OR8B2: variants seen among roughly 807,000 people sequenced by gnomAD.
The protein encoded by OR8B2 is olfactory receptor family 8 subfamily B member 2.
For missense variants in OR8B2, 304 were observed against 379.6 expected (o/e 0.80, Z 1.65); for synonymous variants, 98 against 138.2 (o/e 0.71, Z 2.04).
At chr11:124,386,679 C>T (rs1007119820), upstream of OR8B2, among the ~76,000 whole-genome samples, 6 of 151,684 alleles carry the variant, frequency 4.0e-5, no homozygotes, top group Non-Finnish European at 5.9e-5. Context: ...TGGGTTGGTT[C>T]CAAGTCTTTG....
At chr11:124,388,827 CT>C (rs145400784), upstream of OR8B2, among the ~76,000 whole-genome samples, 3,343 of 129,794 alleles carry the variant, frequency 0.026, 88 homozygotes, top group African/African-American at 0.083. Context: ...GTGTGAAATT[CT>C]TTTTTTTTTT....
chr11:124,385,896 A>G (rs191739899), upstream of OR8B2, among the ~76,000 whole-genome samples: 1 of 152,028 alleles, frequency 6.6e-6, no homozygotes, highest in South Asian at 2.1e-4. Flanking sequence ...GCCTCCCAAA[A>G]GTGTTGGGAT....
chr11:124,391,230 A>G, the OR8B2 span, among the ~76,000 whole-genome samples: 3 of 152,140 alleles, frequency 2.0e-5, no homozygotes, highest in Admixed American at 2.0e-4. Context: ...GAGCAAACAC[A>G]TTCAAAAGCT....
upstream of OR8B2, among the ~76,000 whole-genome samples, chr11:124,388,167 A>G (rs1287660015): frequency 7.2e-5 from 11 of 152,052 alleles, no homozygotes; most frequent in South Asian, 1.3e-3. Flanking sequence ...GGGCTGAGAC[A>G]ATGGGGTTTT....
At chr11:124,386,689 G>C (rs1313201931), upstream of OR8B2, among the ~76,000 whole-genome samples, 2 of 151,812 alleles carry the variant, frequency 1.3e-5, no homozygotes, top group African/African-American at 2.4e-5. Flanking sequence ...CCAAGTCTTT[G>C]CTATTGTGAA....
chr11:124,388,392 G>T (rs1304347260), upstream of OR8B2, among the ~76,000 whole-genome samples: 1 of 152,080 alleles, frequency 6.6e-6, no homozygotes, highest in Non-Finnish European at 1.5e-5. Context: ...TATTGGCCGT[G>T]GGTTTGTTTT....
the OR8B2 span, chr11:124,397,053 T>C: frequency 7.3e-5 from 118 of 1,613,862 alleles, no homozygotes; most frequent in Admixed American, 2.0e-4. Flanking sequence ...GAAAAACAGC[T>C]GAGTCATGCA....
chr11:124,390,484 G>C, the OR8B2 span, among the ~76,000 whole-genome samples: 5 of 152,188 alleles, frequency 3.3e-5, no homozygotes, highest in Admixed American at 1.3e-4. Context: ...CCAAAAAATA[G>C]CAAAATGTTT....
upstream of OR8B2, among the ~76,000 whole-genome samples, chr11:124,387,120 G>C (rs1233074892): frequency 6.6e-6 from 1 of 152,072 alleles, no homozygotes; most frequent in East Asian, 1.9e-4. Context: ...TTTTTTTCTT[G>C]TAAATTTGTT....
the OR8B2 span, among the ~76,000 whole-genome samples, chr11:124,392,081 C>A: frequency 1.7e-5 from 2 of 121,156 alleles, no homozygotes; most frequent in Non-Finnish European, 3.3e-5. Context: ...GCTAAAAAGT[C>A]TCAATAAATT....
chr11:124,385,448 T>C (rs1262474067), upstream of OR8B2, among the ~76,000 whole-genome samples: 2 of 151,962 alleles, frequency 1.3e-5, no homozygotes, highest in Non-Finnish European at 1.5e-5. Flanking sequence ...ATAGGTTCAA[T>C]AATGTTAAAG....
the OR8B2 span, among the ~76,000 whole-genome samples, chr11:124,391,094 T>G: frequency 1.9e-4 from 29 of 152,184 alleles, no homozygotes; most frequent in Admixed American, 1.4e-3. Context: ...CATAGACTTG[T>G]TCACCTGTCT....
chr11:124,394,283 A>G, the OR8B2 span, among the ~76,000 whole-genome samples: 1 of 151,492 alleles, frequency 6.6e-6, no homozygotes, highest in Admixed American at 6.6e-5. Flanking sequence ...AAATAAATAA[A>G]TAAATAAATA....
chr11:124,396,352 G>A, the OR8B2 span: 21 of 1,407,784 alleles, frequency 1.5e-5, no homozygotes, highest in African/African-American at 1.6e-4. Context: ...TCTCTTCATG[G>A]AACACACTAA....
chr11:124,396,237 T>G, the OR8B2 span: 1 of 612,362 alleles, frequency 1.6e-6, no homozygotes, highest in Non-Finnish European at 2.8e-6. Context: ...TTGTGAGAAG[T>G]GCCAGAGATG....
chr11:124,390,453 G>C, the OR8B2 span, among the ~76,000 whole-genome samples: 1 of 152,118 alleles, frequency 6.6e-6, no homozygotes, highest in East Asian at 1.9e-4. Flanking sequence ...CAATGATAGC[G>C]GATCAGCCTT....
In OR8B2 at chr11:124,383,140, G is replaced by A. The variant is rs368014167; in HGVS notation, c.204C>T (p.Phe68=). ...PMYYFLFNLS[F]IDLCYSSVFT... ...AAACAGAGGAGTAACAGAGATCAAT[G>A]AAGGAGAGATTGAAGAGGAAATAGT... Residue 68 remains phenylalanine (F), a synonymous_variant, in exon 2 of 2, where the codon TTC becomes TTT. Transcript: ENST00000641451. 1.4e-5 allele frequency: 23 copies of A among 1,613,816 alleles called. 1 individual carries two copies. The South Asian group carries it at 2.5e-4, about 18-fold the overall frequency.
chr11:124,385,503 TG>T (rs1860683724), upstream of OR8B2, among the ~76,000 whole-genome samples: 3 of 151,592 alleles, frequency 2.0e-5, no homozygotes, highest in Non-Finnish European at 2.9e-5. Flanking sequence ...TGTGTGTGTG[TG>T]TGTGTGTGTG....
the OR8B2 span, among the ~76,000 whole-genome samples, chr11:124,393,263 T>C: frequency 7.0e-6 from 1 of 142,580 alleles, no homozygotes; most frequent in Admixed American, 6.9e-5. Flanking sequence ...AATTGACAAA[T>C]GGGATCTAAT....
Sources: gnomAD v4.1 joint callset for allele counts (sites outside exome capture counted in the v4.1 genomes callset) on GRCh38, gnomAD v4.1.1 for gene constraint, MANE v1.5 for transcripts, NCBI Gene and HGNC (gene_info 2026-07-23, HGNC 2026-07-21) for gene names.